Variants in CRY2 observed in about 807,000 individuals in gnomAD.
The protein encoded by CRY2 is cryptochrome circadian regulator 2.
CRY2 carries 31 observed loss-of-function variants against 69.5 expected under a neutral mutation model. The observed-to-expected ratio is 0.45, with a 90% CI of 0.34 to 0.60. CRY2 has a LOEUF of 0.60. CRY2 is among the 20% of genes least tolerant of loss of function. The pLI is 0.02. For missense variants in CRY2, 606 were observed against 797.8 expected (o/e 0.76, Z 2.90); for synonymous variants, 303 against 312.2 (o/e 0.97, Z 0.31).
intron 1 of CRY2, among the ~76,000 whole-genome samples, chr11:45,854,852 A>G (rs1048238926): frequency 1.3e-5 from 2 of 152,180 alleles, no homozygotes; most frequent in Admixed American, 6.5e-5. Context: ...TAAAATAAGG[A>G]TGGTACTATT....
intron 4 of CRY2, chr11:45,861,756 A>T: frequency 2.7e-6 from 1 of 365,134 alleles, no homozygotes. Context: ...ATCTGAACAA[A>T]GCTATTAGCC....
chr11:45,862,271 C>G, intron 5 of CRY2, 123 bp downstream of exon 5: 1 of 842,824 alleles, frequency 1.2e-6, no homozygotes, highest in Admixed American at 3.1e-5. Flanking sequence ...AAAAATCCTC[C>G]TATCCTCCTG....
Position 45,860,529 on chromosome 11 carries a change from G to A in CRY2, c.468-319G>A, listed in dbSNP as rs551416600. 1.1e-3 allele frequency among the ~76,000 whole-genome samples: 171 copies of A among 152,212 alleles called. 1 individual carries two copies. Among genetic ancestry groups the A allele is most frequent in the African/African-American group, 3.6e-3 (148 of 41,534 alleles). ...CAAGCAGGCTAGTAGGGATTTTTCT[G>A]TGATTAGAGATTTTGTCAGTCTCTG... On this transcript the variant is annotated intron_variant, in intron 3 of 11. Transcript: ENST00000616080.
At chr11:45,871,088 G>C (rs929567825) in intron 10 of CRY2, among the ~76,000 whole-genome samples, 154 bp downstream of exon 10, 1 of 152,242 alleles carries the variant, frequency 6.6e-6, no homozygotes, top group Non-Finnish European at 1.5e-5. Context: ...GATCATTTCA[G>C]ATAACAAGTG....
intron 4 of CRY2, 144 bp downstream of exon 4, chr11:45,861,176 C>A: frequency 1.2e-6 from 1 of 815,150 alleles, no homozygotes; most frequent in Non-Finnish European, 1.9e-6. Flanking sequence ...ATTACTCCAC[C>A]ACCCAGAGGT....
chr11:45,856,518 C>T (rs1426314339), intron 2 of CRY2, among the ~76,000 whole-genome samples: 3 of 152,306 alleles, frequency 2.0e-5, no homozygotes, highest in East Asian at 3.9e-4. Flanking sequence ...CCTTTTCTGC[C>T]GGGCGAGGTG....
intron 5 of CRY2, among the ~76,000 whole-genome samples, chr11:45,866,629 C>CA (rs2086332609): frequency 6.6e-6 from 1 of 152,212 alleles, no homozygotes; most frequent in African/African-American, 2.4e-5. Flanking sequence ...AGTTAGAGAC[C>CA]AGCCTGGCCA....
chr11:45,850,001 G>T (rs1048142131), intron 1 of CRY2, among the ~76,000 whole-genome samples: 4 of 93,646 alleles, frequency 4.3e-5, no homozygotes, highest in Admixed American at 1.2e-4. Context: ...GTTTTGTTTT[G>T]TTTTTTGTTT....
chr11:45,847,529 G>T lies in CRY2; in HGVS notation c.39G>T (p.Pro13=). The stretch of plus-strand genomic sequence containing the variant: ...TGGCGACGGCGGCAGCTGTGGCCCC[G>T]GCGCCAGCGCCCGGCACGGACAGCG... ...ATVATAAAVA[P]APAPGTDSAS... is the part of the protein sequence containing the mutation. The change falls in exon 1 of 12, where the codon CCG becomes CCT. Residue 13 remains proline, a synonymous_variant. Transcript: ENST00000616080. 6.3e-7 allele frequency: 1 copy of T among 1,586,872 alleles called. No homozygotes were observed. Among genetic ancestry groups the T allele is most frequent in the Admixed American group, 1.8e-5 (1 of 56,238 alleles).
chr11:45,870,005 C>T (rs1189658081), intron 7 of CRY2, 48 bp from the exon 8 acceptor site: 4 of 1,545,094 alleles, frequency 2.6e-6, no homozygotes, highest in East Asian at 2.3e-5. Flanking sequence ...TGGGAAAAAA[C>T]ATGGCTGCAT....
intron 11 of CRY2, 25 bp from the exon 12 acceptor site, chr11:45,880,889 T>A (rs1439551566): frequency 6.6e-6 from 1 of 152,282 alleles, no homozygotes; most frequent in Admixed American, 6.5e-5. Flanking sequence ...TGAATGCTCC[T>A]TTTGCACTTG....
intron 11 of CRY2, among the ~76,000 whole-genome samples, chr11:45,872,752 TTTCTACCTA>T (rs1319670519): frequency 9.9e-5 from 15 of 152,150 alleles, no homozygotes; most frequent in African/African-American, 3.1e-4. Flanking sequence ...GGGGTGGCGC[TTTCTACCTA>T]TTAAAATGAG....
intron 10 of CRY2, among the ~76,000 whole-genome samples, chr11:45,871,601 G>T (rs563285913): frequency 4.6e-5 from 7 of 152,334 alleles, no homozygotes; most frequent in Admixed American, 1.3e-4. Flanking sequence ...GCCGCAAGGA[G>T]AAAGACTGGA....
chr11:45,858,860 T>C lies in CRY2; in HGVS notation c.454T>C (p.Tyr152His). The C allele has an allele frequency of 6.2e-7, 1 of 1,613,916 alleles. No homozygotes were observed. Among genetic ancestry groups the C allele is most frequent in the South Asian group, 1.1e-5 (1 of 91,062 alleles). ...AGTGACGGAGAATTCTCATACCCTC[T>C]ATGACCTGGACAGGTAAGAGATGGG... ...EVVTENSHTLYDLDRIIELNG... is the reference protein window; with the variant it reads ...EVVTENSHTLHDLDRIIELNG... The change falls in exon 3 of 12, where the codon TAT (tyrosine) becomes CAT (histidine). Residue 152 changes from tyrosine (Y) to histidine (H), a missense_variant. Tyr to His is a moderately conservative substitution (Grantham distance 83). Coordinates refer to ENST00000616080, the MANE Select transcript of CRY2 (RefSeq NM_021117.5).
At chr11:45,867,326 G>A (rs2086339006) in intron 5 of CRY2, 1 of 391,086 alleles carries the variant, frequency 2.6e-6, no homozygotes, top group Non-Finnish European at 4.6e-6. Context: ...TTAATCCACA[G>A]AAGATTGGAA....
At chr11:45,847,258 T>C, upstream of CRY2, 1 of 1,551,696 alleles carries the variant, frequency 6.4e-7, no homozygotes, top group Non-Finnish European at 8.7e-7. Context: ...GCATGCCAGC[T>C]CCACCCGGGC....
chr11:45,847,339 A>G (rs1193683983), upstream of CRY2: 1 of 1,594,114 alleles, frequency 6.3e-7, no homozygotes, highest in Non-Finnish European at 8.5e-7. Context: ...GCCAGGTGGA[A>G]GGCACTCAGC....
intron 11 of CRY2, among the ~76,000 whole-genome samples, chr11:45,873,575 T>G (rs2086403583): frequency 6.6e-6 from 1 of 152,240 alleles, no homozygotes; most frequent in African/African-American, 2.4e-5. Flanking sequence ...AGGTTAAATG[T>G]CTGGGTCAAG....
intron 10 of CRY2, among the ~76,000 whole-genome samples, chr11:45,871,704 C>G (rs746990196): frequency 1.4e-4 from 21 of 152,200 alleles, no homozygotes; most frequent in Non-Finnish European, 2.5e-4. Context: ...GTTGGCCCAG[C>G]TAGGCTGCCT....
Sources: allele counts gnomAD v4.1 joint callset (sites outside exome capture counted in the v4.1 genomes callset), GRCh38; gene constraint gnomAD v4.1.1; transcripts MANE v1.5; gene names NCBI Gene and HGNC (gene_info 2026-07-23, HGNC 2026-07-21).